NPAS3: variants seen among roughly 807,000 people sequenced by gnomAD.
NPAS3 encodes neuronal PAS domain-containing protein 3.
Under a neutral mutation model 73.1 loss-of-function variants are expected in NPAS3, and 14 were observed. The ratio of observed to expected loss-of-function variants is 0.19; its 90% confidence interval spans 0.13 to 0.30. The LOEUF is 0.30. Ranked by LOEUF, NPAS3 falls within the 10% of genes least tolerant of loss-of-function variation. NPAS3 has a pLI of 1.00. For synonymous variants in NPAS3, 620 were observed against 541.5 expected, an observed-to-expected ratio of 1.14 and a Z score of -2.01; for missense variants, 1,096 against 1,250.0, an observed-to-expected ratio of 0.88 and a Z score of 1.86.
intron 6 of NPAS3, among the ~76,000 whole-genome samples, chr14:33,701,859 C>CTAA (rs781546168): frequency 0.025 from 3,857 of 152,192 alleles, 72 homozygotes; most frequent in Middle Eastern, 0.054. Flanking sequence ...ATTCTGTGTG[C>CTAA]AGAGATATCT....
chr14:33,793,376 A>G (rs1370576194), intron 9 of NPAS3, among the ~76,000 whole-genome samples: 2 of 152,208 alleles, frequency 1.3e-5, no homozygotes, highest in African/African-American at 2.4e-5. Context: ...AGGACTATAA[A>G]TTCTGTTAGA....
intron 5 of NPAS3, among the ~76,000 whole-genome samples, chr14:33,584,778 G>T (rs1225486951): frequency 1.3e-5 from 2 of 152,170 alleles, no homozygotes; most frequent in Admixed American, 1.3e-4. Context: ...TAGTGTTAGA[G>T]CACAGCCCTG....
chr14:33,763,197 C>G (rs147138127), intron 7 of NPAS3, among the ~76,000 whole-genome samples: 239 of 152,280 alleles, frequency 1.6e-3, no homozygotes, highest in African/African-American at 5.4e-3. Context: ...GGATGCTGAA[C>G]ACAGGAGGTA....
intron 4 of NPAS3, among the ~76,000 whole-genome samples, chr14:33,510,392 A>G (rs2052988940): frequency 6.6e-6 from 1 of 152,050 alleles, no homozygotes; most frequent in Admixed American, 6.6e-5. Flanking sequence ...TGGAAAGTTC[A>G]GTAGCCAAAA....
intron 3 of NPAS3, among the ~76,000 whole-genome samples, chr14:33,233,594 G>A (rs1436978621): frequency 2.0e-5 from 3 of 152,072 alleles, no homozygotes; most frequent in Non-Finnish European, 2.9e-5. Flanking sequence ...AGCAAAAGTA[G>A]ATAAATAAAC....
chr14:33,176,095 A>G (rs1326270773), intron 2 of NPAS3, among the ~76,000 whole-genome samples: 1 of 152,248 alleles, frequency 6.6e-6, no homozygotes, highest in Non-Finnish European at 1.5e-5. Flanking sequence ...CTAGAAATAT[A>G]TAAACATAGT....
chr14:33,284,802 A>G (rs958298406), intron 3 of NPAS3, among the ~76,000 whole-genome samples: 1 of 141,650 alleles, frequency 7.1e-6, no homozygotes, highest in Non-Finnish European at 1.5e-5. Flanking sequence ...CTATCTATCT[A>G]TCTATCTATC....
At chr14:33,498,753 G>A (rs960261033) in intron 4 of NPAS3, among the ~76,000 whole-genome samples, 1 of 152,082 alleles carries the variant, frequency 6.6e-6, no homozygotes, top group African/African-American at 2.4e-5. Flanking sequence ...GTTGATGGGT[G>A]CAGCAAAGCA....
intron 11 of NPAS3, among the ~76,000 whole-genome samples, 154 bp downstream of exon 11, chr14:33,797,735 T>C (rs376115207): frequency 4.6e-4 from 70 of 152,096 alleles, no homozygotes; most frequent in Non-Finnish European, 8.7e-4. Flanking sequence ...TGTCTGCCTC[T>C]CTCCAGACAC....
At chr14:33,618,661 G>GA (rs2057994274) in intron 5 of NPAS3, among the ~76,000 whole-genome samples, 1 of 152,174 alleles carries the variant, frequency 6.6e-6, no homozygotes, top group Admixed American at 6.5e-5. Context: ...GGGAGTTGGG[G>GA]ATCCCTATTT....
At chr14:33,248,528 G>T (rs965046948) in intron 3 of NPAS3, among the ~76,000 whole-genome samples, 3 of 152,102 alleles carry the variant, frequency 2.0e-5, no homozygotes, top group African/African-American at 4.8e-5. Context: ...TAATGCTTTT[G>T]TATAGGCTCA....
chr14:33,616,108 A>G (rs1278490579), intron 5 of NPAS3, among the ~76,000 whole-genome samples: 1 of 152,002 alleles, frequency 6.6e-6, no homozygotes, highest in Non-Finnish European at 1.5e-5. Flanking sequence ...GATATTAGCT[A>G]TTTTCCATGG....
intron 4 of NPAS3, among the ~76,000 whole-genome samples, chr14:33,511,043 A>G (rs1467963747): frequency 1.1e-4 from 17 of 152,030 alleles, no homozygotes; most frequent in Admixed American, 1.1e-3. Flanking sequence ...TGAGTGGATA[A>G]TTTACCAGAA....
intron 5 of NPAS3, among the ~76,000 whole-genome samples, chr14:33,674,583 G>C (rs754470800): frequency 2.0e-5 from 3 of 152,322 alleles, no homozygotes; most frequent in South Asian, 2.1e-4. Context: ...CAGAGGGTAA[G>C]AGCTGATCAC....
chr14:33,166,041 G>A (rs533071742), intron 2 of NPAS3, among the ~76,000 whole-genome samples: 9 of 152,264 alleles, frequency 5.9e-5, no homozygotes, highest in African/African-American at 1.9e-4. Flanking sequence ...ATAGTCTGTG[G>A]TCTCCCCACC....
In NPAS3 at chr14:33,676,496, A is replaced by G. The variant is rs1053283082; in HGVS notation, c.733+111A>G. On this transcript the variant is annotated intron_variant, in intron 6 of 11. Transcript: ENST00000356141. ...TAAATAGGTCTAAGGGTATTTAACA[A>G]TTCCATGCAGCTTCCAGTCCCATGC... 8.8e-6 allele frequency: 7 copies of G among 793,484 alleles called. No homozygotes were observed. The African/African-American group carries it at 9.1e-5, about 10-fold the overall frequency. 49.2% of individuals were successfully genotyped at this position (793,484 alleles called of 1,614,324 possible).
intron 4 of NPAS3, among the ~76,000 whole-genome samples, chr14:33,469,327 T>A (rs571355582): frequency 4.0e-4 from 60 of 150,954 alleles, no homozygotes; most frequent in African/African-American, 1.4e-3. Context: ...TGTGTGTGTA[T>A]GTATATGTTC....
At chr14:33,099,689 A>G (rs2042526680) in intron 2 of NPAS3, among the ~76,000 whole-genome samples, 1 of 152,204 alleles carries the variant, frequency 6.6e-6, no homozygotes. Context: ...AAACTAATCC[A>G]AGGGATAGTT....
At chr14:33,131,601 CT>C in intron 2 of NPAS3, among the ~76,000 whole-genome samples, 1 of 152,240 alleles carries the variant, frequency 6.6e-6, no homozygotes, top group Admixed American at 6.5e-5. Flanking sequence ...TTTATAGTCC[CT>C]TTTTTGTCAT....
Sources: allele counts gnomAD v4.1 joint callset (sites outside exome capture counted in the v4.1 genomes callset), GRCh38; gene constraint gnomAD v4.1.1; transcripts MANE v1.5; gene names NCBI Gene and HGNC (gene_info 2026-07-23, HGNC 2026-07-21).